SGMS1: variants seen among roughly 807,000 people sequenced by gnomAD.
SGMS1 encodes the protein sphingomyelin synthase 1, also known as phosphatidylcholine:ceramide cholinephosphotransferase 1.
SGMS1 carries 13 observed loss-of-function variants against 46.2 expected under a neutral mutation model. That is an observed-to-expected ratio of 0.28 (90% CI 0.18 to 0.45). SGMS1 has a LOEUF of 0.45. Among genes scored for constraint, SGMS1 ranks in the 20% least tolerant of loss-of-function variants. SGMS1 has a pLI of 1.00. For missense variants in SGMS1, 324 were observed against 519.9 expected (o/e 0.62, Z 3.66); for synonymous variants, 203 against 187.8 (o/e 1.08, Z -0.66).
chr10:50,449,558 C>CT (rs1322794714), intron 5 of SGMS1, among the ~76,000 whole-genome samples: 2 of 152,192 alleles, frequency 1.3e-5, no homozygotes, highest in Non-Finnish European at 2.9e-5. Flanking sequence ...AGCAGGCTCA[C>CT]CCCTCCACTT....
At chr10:50,474,614 T>C (rs888744856) in intron 3 of SGMS1, among the ~76,000 whole-genome samples, 1 of 152,240 alleles carries the variant, frequency 6.6e-6, no homozygotes, top group African/African-American at 2.4e-5. Flanking sequence ...AGTCAGTTCA[T>C]AGGCTATCTC....
chr10:50,395,371 G>A (rs1333910225), intron 6 of SGMS1, among the ~76,000 whole-genome samples: 1 of 152,076 alleles, frequency 6.6e-6, no homozygotes. Flanking sequence ...TCTCACACTG[G>A]ATTAGTTACC....
At chr10:50,380,366 A>C (rs1384821377) in intron 6 of SGMS1, among the ~76,000 whole-genome samples, 1 of 147,680 alleles carries the variant, frequency 6.8e-6, no homozygotes, top group Non-Finnish European at 1.5e-5. Context: ...GCAACACAGT[A>C]AGACTCTGTA....
At chr10:50,468,367 T>A (rs1176522029) in intron 3 of SGMS1, among the ~76,000 whole-genome samples, 1 of 152,188 alleles carries the variant, frequency 6.6e-6, no homozygotes, top group Non-Finnish European at 1.5e-5. Context: ...TCCCTGCCCA[T>A]AAATCATTTA....
At chr10:50,391,837 C>T (rs1180531704) in intron 6 of SGMS1, among the ~76,000 whole-genome samples, 5 of 117,870 alleles carry the variant, frequency 4.2e-5, no homozygotes, top group Non-Finnish European at 8.6e-5. Flanking sequence ...ATTATGCAAT[C>T]ATTAAAAAAA....
intron 2 of SGMS1, among the ~76,000 whole-genome samples, chr10:50,533,386 T>A (rs1006522163): frequency 6.6e-6 from 1 of 152,210 alleles, no homozygotes; most frequent in Non-Finnish European, 1.5e-5. Context: ...GACTTTAATA[T>A]AACAGTCCTT....
At chr10:50,409,839 C>T (rs552265599) in intron 6 of SGMS1, among the ~76,000 whole-genome samples, 54 of 152,222 alleles carry the variant, frequency 3.5e-4, no homozygotes, top group South Asian at 6.2e-4. Flanking sequence ...TAGGAAAGTA[C>T]CACAGGCTCT....
intron 3 of SGMS1, among the ~76,000 whole-genome samples, chr10:50,468,356 G>C (rs1837349394): frequency 1.3e-5 from 2 of 152,142 alleles, no homozygotes; most frequent in South Asian, 4.1e-4. Flanking sequence ...ATGCTGTTTT[G>C]TCCCTGCCCA....
At chr10:50,442,915 C>G (rs1444950527) in intron 5 of SGMS1, among the ~76,000 whole-genome samples, 1 of 152,128 alleles carries the variant, frequency 6.6e-6, no homozygotes, top group Non-Finnish European at 1.5e-5. Context: ...CTACTTTTGG[C>G]ATCTTCTTCA....
At chr10:50,354,793 A>G (rs1848108722) in intron 6 of SGMS1, among the ~76,000 whole-genome samples, 1 of 152,238 alleles carries the variant, frequency 6.6e-6, no homozygotes, top group African/African-American at 2.4e-5. Flanking sequence ...ATATGAACAG[A>G]CACTTCTCAA....
At chr10:50,373,113 T>C (rs1231071746) in intron 6 of SGMS1, among the ~76,000 whole-genome samples, 1 of 152,172 alleles carries the variant, frequency 6.6e-6, no homozygotes, top group African/African-American at 2.4e-5. Context: ...TTTCTAAGGG[T>C]ATCATCATAG....
chr10:50,439,217 T>C (rs1849512017), intron 5 of SGMS1, among the ~76,000 whole-genome samples: 2 of 152,282 alleles, frequency 1.3e-5, no homozygotes, highest in South Asian at 4.1e-4. Context: ...TATTCTTAAA[T>C]TTTCTCAGCA....
chr10:50,499,046 C>T (rs1219137512), intron 3 of SGMS1, among the ~76,000 whole-genome samples: 1 of 152,004 alleles, frequency 6.6e-6, no homozygotes, highest in Non-Finnish European at 1.5e-5. Flanking sequence ...TTTAAACTGG[C>T]TAATAGAATT....
intron 8 of SGMS1, among the ~76,000 whole-genome samples, chr10:50,318,777 C>T (rs970992774): frequency 3.3e-5 from 5 of 152,120 alleles, no homozygotes; most frequent in African/African-American, 1.2e-4. Context: ...TCCCTTCACT[C>T]GGCTGTGAAG....
In SGMS1 at chr10:50,409,149, G is replaced by A. The variant is rs977012857; in HGVS notation, c.-232+24327C>T. 3.3e-5 allele frequency among the ~76,000 whole-genome samples: 5 copies of A among 152,036 alleles called. No individual in the cohort carries two copies. The East Asian group carries it at 7.7e-4, about 23-fold the overall frequency. On this transcript the variant is annotated intron_variant, in intron 6 of 10. Transcript: ENST00000361781. Reference sequence around the variant, plus strand: ...CACAATATTTGCACATATTTATGGGGTACATGTGATAGTTTTTGCATGCAT... The same window carrying A: ...CACAATATTTGCACATATTTATGGGATACATGTGATAGTTTTTGCATGCAT...
At chr10:50,312,131 C>T (rs1341085451) in intron 8 of SGMS1, among the ~76,000 whole-genome samples, 8 of 152,046 alleles carry the variant, frequency 5.3e-5, no homozygotes, top group Admixed American at 5.2e-4. Flanking sequence ...CTTGTTAGTA[C>T]TCTTTTAAAT....
intron 6 of SGMS1, among the ~76,000 whole-genome samples, chr10:50,381,096 T>C (rs535879359): frequency 1.3e-5 from 2 of 151,654 alleles, no homozygotes; most frequent in African/African-American, 4.8e-5. Flanking sequence ...CCCAAATTGC[T>C]GAGATTACAA....
At chr10:50,317,464 A>C (rs1847358432) in intron 8 of SGMS1, among the ~76,000 whole-genome samples, 1 of 152,156 alleles carries the variant, frequency 6.6e-6, no homozygotes, top group Non-Finnish European at 1.5e-5. Context: ...CGACCAGTAC[A>C]TGAGGTCACA....
intron 6 of SGMS1, among the ~76,000 whole-genome samples, chr10:50,410,241 G>A (rs1425333254): frequency 6.6e-6 from 1 of 152,072 alleles, no homozygotes; most frequent in Admixed American, 6.5e-5. Flanking sequence ...ATATTATGAT[G>A]GTCATGACAC....
Sources: allele counts gnomAD v4.1 joint callset (sites outside exome capture counted in the v4.1 genomes callset), GRCh38; gene constraint gnomAD v4.1.1; transcripts MANE v1.5; gene names NCBI Gene and HGNC (gene_info 2026-07-23, HGNC 2026-07-21).